The following PDE6A variants were observed in gnomAD, a reference collection of about 807,000 sequenced individuals.
PDE6A encodes the protein rod cGMP-specific 3',5'-cyclic phosphodiesterase subunit alpha.
In PDE6A, 84 loss-of-function variants were observed where a neutral mutation model predicts 106.3. The observed-to-expected ratio is 0.79, with a 90% CI of 0.66 to 0.95. The LOEUF (loss-of-function observed/expected upper bound fraction) is 0.95. PDE6A is among the 40% of genes least tolerant of loss of function. PDE6A has a pLI of 0.00. For synonymous variants in PDE6A, 394 were observed against 386.6 expected (o/e 1.02, Z -0.23); for missense variants, 1,052 against 1,084.9 (o/e 0.97, Z 0.43).
Position 149,938,133 on chromosome 5 carries a change from G to T in PDE6A, c.475-3415C>A, listed in dbSNP as rs562966469. Among the ~76,000 whole-genome samples the T allele has an allele frequency of 4.6e-5, 7 of 152,300 alleles. No individual in the cohort carries two copies. The East Asian group carries it at 1.4e-3, about 29-fold the overall frequency. ...ACTCAAAGCATGTGAAGCAGACCAC[G>T]CTGGGGACCCAGATAAGGAGAAACT... is the stretch of plus-strand genomic sequence containing the variant. On this transcript the variant is annotated intron_variant, in intron 1 of 21. Transcript: ENST00000255266.
Position 149,863,959 on chromosome 5 carries a change from C to G in PDE6A, c.2359-693G>C, listed in dbSNP as rs1399449585. Reference sequence around the variant, plus strand: ...ACTTTGCTGGAACACTCTAACCTCCCGTTTTCTTCCTTGAGGCCTCCACTT... The same window carrying G: ...ACTTTGCTGGAACACTCTAACCTCCGGTTTTCTTCCTTGAGGCCTCCACTT... On this transcript the variant is annotated intron_variant, in intron 20 of 21. Coordinates refer to ENST00000255266, the MANE Select transcript of PDE6A (RefSeq NM_000440.3). This position sits in a 1 kb window ranked among gnomAD's most constrained non-coding sequence, Gnocchi z 4.7. Among the ~76,000 whole-genome samples, 1 of 152,048 alleles carries G rather than the reference C, an allele frequency of 6.6e-6. No homozygotes were observed. Among genetic ancestry groups the G allele is most frequent in the African/African-American group, 2.4e-5 (1 of 41,400 alleles).
chr5:149,944,250 C>T lies in PDE6A; in HGVS notation c.424G>A (p.Gly142Ser), dbSNP rs1459287199. The change falls in exon 1 of 22, where the codon GGC (glycine) becomes AGC (serine). Residue 142 changes from glycine to serine, a missense_variant. Coordinates refer to ENST00000255266, the MANE Select transcript of PDE6A (RefSeq NM_000440.3). ...ATCTTCTTAGAGTGTGCGACATGGC[C>T]CACGATGCCCATGTCCAAAGGGAAG... Reference protein sequence around the residue: ...IVFPLDMGIVGHVAHSKKIAN... With the variant: ...IVFPLDMGIVSHVAHSKKIAN... 1.9e-6 allele frequency: 3 copies of T among 1,613,660 alleles called. No individual in the cohort carries two copies. Among genetic ancestry groups the T allele is most frequent in the Non-Finnish European group, 8.5e-7 (1 of 1,179,916 alleles).
At chr5:149,922,159 T>G (rs1753741708) in intron 4 of PDE6A, among the ~76,000 whole-genome samples, 1 of 152,042 alleles carries the variant, frequency 6.6e-6, no homozygotes, top group African/African-American at 2.4e-5. Context: ...CTATTAACAA[T>G]GATGTTACAG....
intron 1 of PDE6A, among the ~76,000 whole-genome samples, chr5:149,942,125 C>T (rs910476366): frequency 6.6e-6 from 1 of 151,922 alleles, no homozygotes; most frequent in Non-Finnish European, 1.5e-5. Flanking sequence ...CCACACCCAG[C>T]GAGTTTTTTT....
At chr5:149,883,376 G>T in intron 17 of PDE6A, 53 bp downstream of exon 17, 2 of 1,188,694 alleles carry the variant, frequency 1.7e-6, no homozygotes, top group South Asian at 2.4e-5. Context: ...AGTGCATCTC[G>T]CCTCATGATC....
intron 10 of PDE6A, among the ~76,000 whole-genome samples, chr5:149,897,623 G>T (rs1430873763): frequency 1.3e-5 from 2 of 152,144 alleles, no homozygotes; most frequent in East Asian, 3.8e-4. Context: ...CTGTCAGCCA[G>T]GCTGAAGCAT....
At chr5:149,930,787 T>C (rs964779463) in intron 4 of PDE6A, among the ~76,000 whole-genome samples, 1 of 152,194 alleles carries the variant, frequency 6.6e-6, no homozygotes, top group African/African-American at 2.4e-5. Flanking sequence ...TCATGTACAC[T>C]TTTTTTCTTT....
intron 12 of PDE6A, among the ~76,000 whole-genome samples, chr5:149,896,022 C>A (rs1247650482): frequency 6.6e-6 from 1 of 152,158 alleles, no homozygotes; most frequent in Admixed American, 6.5e-5. Context: ...AGGGAATGAG[C>A]CCTGTTTAAA....
At chr5:149,935,690 G>GTTTTCCT (rs1754161079) in intron 1 of PDE6A, among the ~76,000 whole-genome samples, 1 of 152,204 alleles carries the variant, frequency 6.6e-6, no homozygotes, top group Non-Finnish European at 1.5e-5. Context: ...GACAGAGCTT[G>GTTTTCCT]AATTGTTCTC....
In PDE6A at chr5:149,923,965, A is replaced by T. The variant is rs147308961; in HGVS notation, c.859-2256T>A. On this transcript the variant is annotated intron_variant, in intron 4 of 21. Transcript: ENST00000255266. ...AGAGAAGCAGAAGGGAAGCCACATG[A>T]AATGCAGAGTCCATGTTTTTGCCCT... Among the ~76,000 whole-genome samples, 370 of 152,294 alleles carry T rather than the reference A, an allele frequency of 2.4e-3. 4 individuals are homozygous for T. The highest frequency in any genetic ancestry group is 8.4e-3 in the African/African-American group (350 of 41,556).
In PDE6A at chr5:149,921,644, C is replaced by T. The variant is rs369194532; in HGVS notation, c.924G>A (p.Pro308=). ...GTCAGAGAGAACGTACTCTTCCATC[C>T]GGAGTCCTGGGACCAGAGTAAGGTG... ...EVPPYSGPRT[P]DGREINFYKV... The change falls in exon 5 of 22, where the codon CCG becomes CCA. Residue 308 remains proline, a synonymous_variant. Transcript: ENST00000255266. 137 of 1,612,794 alleles carry T rather than the reference C, an allele frequency of 8.5e-5. 1 individual carries two copies. The highest frequency in any genetic ancestry group is 6.9e-4 in the South Asian group (63 of 91,032).
At chr5:149,868,955 T>G (rs1244954634) in intron 17 of PDE6A, among the ~76,000 whole-genome samples, 1 of 152,040 alleles carries the variant, frequency 6.6e-6, no homozygotes, top group African/African-American at 2.4e-5. Context: ...CCCAAAAAAT[T>G]TAAAAGGTAA....
intron 10 of PDE6A, 142 bp downstream of exon 10, chr5:149,898,221 T>C: frequency 1.4e-6 from 1 of 710,246 alleles, no homozygotes; most frequent in East Asian, 2.6e-5. Context: ...TGCATCCCTG[T>C]GCTAGGCAGG....
rs183846087 is a variant in PDE6A at position 149,943,967 on chromosome 5, A to G, written c.474+233T>C. Among the ~76,000 whole-genome samples the G allele has an allele frequency of 2.0e-3, 300 of 152,344 alleles. 1 individual carries two copies. Among genetic ancestry groups the G allele is most frequent in the African/African-American group, 7.0e-3 (291 of 41,590 alleles). ...AGCAAATGTGGCAAGATGTTAATGA[A>G]TGATAAATTTGGATGAAAGACATAC... On this transcript the variant is annotated intron_variant, in intron 1 of 21. Coordinates refer to ENST00000255266, the MANE Select transcript of PDE6A (RefSeq NM_000440.3).
intron 2 of PDE6A, 51 bp downstream of exon 2, chr5:149,934,515 G>GTT: frequency 6.3e-7 from 1 of 1,592,664 alleles, no homozygotes; most frequent in Non-Finnish European, 8.6e-7. Flanking sequence ...GACTTCATAG[G>GTT]CTGGGAGAAT....
intron 5 of PDE6A, 52 bp from the exon 6 acceptor site, chr5:149,915,059 C>G: frequency 1.0e-6 from 1 of 972,448 alleles, no homozygotes; most frequent in East Asian, 3.5e-5. Context: ...TTTTTTGAGA[C>G]AGTTTCACTT....
Position 149,896,480 on chromosome 5 carries a change from T to A in PDE6A, c.1496A>T (p.Asp499Val), listed in dbSNP as rs761146452. Residue 499 changes from aspartate (D) to valine (V), a missense_variant, in exon 12 of 22, where the codon GAT becomes GTT. Around this residue, in one of 3 missense-constraint regions of PDE6A, gnomAD observed 913 missense variants for 915.2 expected, o/e 1.00. Coordinates refer to ENST00000255266, the MANE Select transcript of PDE6A (RefSeq NM_000440.3). ...EILQAELPDA[D>V]KYEINKFHFS... is the part of the protein sequence containing the mutation. ...GTGAAATTTATTAATTTCGTATTTA[T>A]CTGCATCTGGCAGCTCCGCTTGCTG... 6.2e-7 allele frequency: 1 copy of A among 1,614,212 alleles called. No individual in the cohort carries two copies. Among genetic ancestry groups the A allele is most frequent in the Non-Finnish European group, 8.5e-7 (1 of 1,180,028 alleles).
At chr5:149,934,745 A>G (rs777223728) in intron 1 of PDE6A, 27 bp from the exon 2 acceptor site, 2 of 1,612,790 alleles carry the variant, frequency 1.2e-6, no homozygotes, top group Admixed American at 1.7e-5. Context: ...ATAAGCACGG[A>G]CAGGCAAATG....
At chr5:149,939,996 C>T (rs1414955366) in intron 1 of PDE6A, 1 of 150,422 alleles carries the variant, frequency 6.6e-6, no homozygotes, top group Non-Finnish European at 1.5e-5. Context: ...CATTCCCAGT[C>T]TGCCACTTTT....
Sources: allele counts gnomAD v4.1 joint callset (sites outside exome capture counted in the v4.1 genomes callset), GRCh38; gene constraint gnomAD v4.1.1; regional missense constraint gnomAD v4.1.1; non-coding constraint Gnocchi (gnomAD v3.1); transcripts MANE v1.5; gene names NCBI Gene and HGNC (gene_info 2026-07-23, HGNC 2026-07-21).